VPS13B: variants seen among roughly 807,000 people sequenced by gnomAD.
VPS13B encodes the protein vacuolar protein sorting 13 homolog B.
In VPS13B, 285 loss-of-function variants were observed where a neutral mutation model predicts 426.4. The ratio of observed to expected loss-of-function variants is 0.67; its 90% CI spans 0.61 to 0.74. VPS13B has a LOEUF of 0.74. Among genes scored for constraint, VPS13B ranks in the 30% least tolerant of loss-of-function variants. The pLI is 0.00. For synonymous variants in VPS13B, 1,676 were observed against 1,676.4 expected (o/e 1.00, Z 0.01); for missense variants, 4,537 against 4,782.6 (o/e 0.95, Z 1.51).
At chr8:99,021,932 T>C (rs970825764) in intron 2 of VPS13B, among the ~76,000 whole-genome samples, 6 of 152,216 alleles carry the variant, frequency 3.9e-5, no homozygotes, top group Non-Finnish European at 7.3e-5. Flanking sequence ...ATTATAAAGC[T>C]GCCTGATTTA....
At position 99,081,859 on chromosome 8, in the gene VPS13B, A is replaced by C. The variant is rs376880208; in HGVS notation, c.292-14453A>C. ...GCCACATTTTCTTAATCCAGTCTAT[A>C]ATTGTTGGACATTTGGGTTGGTTCC... On this transcript the variant is annotated intron_variant, in intron 3 of 61. Coordinates refer to ENST00000357162, the MANE Select transcript of VPS13B (RefSeq NM_152564.5). 7.6e-4 allele frequency among the ~76,000 whole-genome samples: 115 copies of C among 151,918 alleles called. 4 individuals carry two copies. In the East Asian group the frequency reaches 0.017, roughly 23 times the overall value.
intron 3 of VPS13B, among the ~76,000 whole-genome samples, chr8:99,072,633 T>G (rs556714786): frequency 1.3e-5 from 2 of 151,880 alleles, no homozygotes; most frequent in East Asian, 3.9e-4. Context: ...TTTTATTGTT[T>G]GGGGTTTTGA....
chr8:99,767,079 T>C (rs1811263562), intron 40 of VPS13B, 109 bp downstream of exon 40: 5 of 1,068,966 alleles, frequency 4.7e-6, no homozygotes, highest in Non-Finnish European at 7.0e-6. Context: ...GTCTAGCAGC[T>C]GCATCTCTCT....
At chr8:99,849,012 A>G (rs1054738923) in intron 55 of VPS13B, 118 bp downstream of exon 55, 13 of 962,590 alleles carry the variant, frequency 1.4e-5, no homozygotes, top group Non-Finnish European at 2.2e-5. Context: ...GTTAATTATC[A>G]TGTAATCCAT....
intron 25 of VPS13B, among the ~76,000 whole-genome samples, chr8:99,493,252 A>T (rs1478247647): frequency 6.6e-6 from 1 of 152,064 alleles, no homozygotes; most frequent in Admixed American, 6.6e-5. Flanking sequence ...TTTTCTTATA[A>T]TAGCCTTGTC....
At chr8:99,305,837 G>A (rs7844283) in intron 19 of VPS13B, among the ~76,000 whole-genome samples, 110,281 of 151,896 alleles carry the variant, frequency 0.73, 40,668 homozygotes, top group Middle Eastern at 0.83. Context: ...GCTTTTACCC[G>A]TTTGACATTA....
rs181807052 is a variant in VPS13B at position 99,366,188 on chromosome 8, C to T, written c.2825-18020C>T. Among the ~76,000 whole-genome samples the T allele has an allele frequency of 2.8e-3, 425 of 152,100 alleles. 3 individuals are homozygous for T. Among genetic ancestry groups the T allele is most frequent in the African/African-American group, 9.6e-3 (400 of 41,502 alleles). On this transcript the variant is annotated intron_variant, in intron 19 of 61. Coordinates refer to ENST00000357162, the MANE Select transcript of VPS13B (RefSeq NM_152564.5). ...GACAGATCTCTCCAGTGCTGAAAGT[C>T]GGGTGTTGAAGTCTCTACCTTTTAT...
intron 2 of VPS13B, among the ~76,000 whole-genome samples, chr8:99,023,333 A>C (rs1841990400): frequency 6.6e-6 from 1 of 152,020 alleles, no homozygotes; most frequent in African/African-American, 2.4e-5. Flanking sequence ...ATGTATGAGA[A>C]TATGCAATAT....
At chr8:99,018,121 C>A (rs2132141120) in intron 2 of VPS13B, among the ~76,000 whole-genome samples, 2 of 152,176 alleles carry the variant, frequency 1.3e-5, no homozygotes, top group East Asian at 3.9e-4. Context: ...GTGGCTCTTG[C>A]CTGTAATCAG....
intron 17 of VPS13B, among the ~76,000 whole-genome samples, chr8:99,200,929 G>T (rs1814279365): frequency 6.6e-6 from 1 of 151,792 alleles, no homozygotes; most frequent in Non-Finnish European, 1.5e-5. Flanking sequence ...TTATCATTTA[G>T]AAATGGTTTA....
chr8:99,369,169 A>G (rs1050292780), intron 19 of VPS13B, among the ~76,000 whole-genome samples: 3 of 152,146 alleles, frequency 2.0e-5, no homozygotes, highest in African/African-American at 7.2e-5. Flanking sequence ...CTTTCCCACT[A>G]TCACCACAAG....
intron 3 of VPS13B, among the ~76,000 whole-genome samples, chr8:99,050,752 T>C (rs1395009113): frequency 6.6e-6 from 1 of 152,260 alleles, no homozygotes. Context: ...GGTATCTCAC[T>C]GTGGTTTTGA....
intron 19 of VPS13B, among the ~76,000 whole-genome samples, chr8:99,313,575 C>T (rs1821133971): frequency 6.6e-6 from 1 of 152,124 alleles, no homozygotes. Flanking sequence ...TCAGTCTGCC[C>T]TTACTGGAGG....
intron 19 of VPS13B, among the ~76,000 whole-genome samples, chr8:99,369,129 C>G (rs2133256593): frequency 6.6e-6 from 1 of 152,234 alleles, no homozygotes; most frequent in Non-Finnish European, 1.5e-5. Flanking sequence ...GTACCTATCC[C>G]TTATTTTATA....
At chr8:99,583,920 T>C (rs1042947169) in intron 33 of VPS13B, among the ~76,000 whole-genome samples, 1 of 152,168 alleles carries the variant, frequency 6.6e-6, no homozygotes, top group African/African-American at 2.4e-5. Flanking sequence ...GATCAGAGGC[T>C]ACATATTTCT....
At chr8:99,817,432 A>T (rs1453108848) in intron 44 of VPS13B, 108 bp from the exon 45 acceptor site, 6 of 1,426,786 alleles carry the variant, frequency 4.2e-6, no homozygotes, top group Non-Finnish European at 5.8e-6. Flanking sequence ...TAATTACTTC[A>T]TTTTCTTTCC....
intron 31 of VPS13B, among the ~76,000 whole-genome samples, chr8:99,573,809 TA>T (rs1333310294): frequency 1.3e-5 from 2 of 152,304 alleles, no homozygotes; most frequent in East Asian, 3.9e-4. Context: ...ATATGAACTT[TA>T]AAGTAGTTTT....
chr8:99,424,227 C>A (rs1178431183), intron 21 of VPS13B: 1 of 152,106 alleles, frequency 6.6e-6, no homozygotes. Context: ...ACTAGGATTA[C>A]AACCCCTGCT....
At chr8:99,213,674 A>G (rs1271447697) in intron 17 of VPS13B, among the ~76,000 whole-genome samples, 5 of 152,128 alleles carry the variant, frequency 3.3e-5, no homozygotes, top group Non-Finnish European at 5.9e-5. Flanking sequence ...ACTTTTGCAC[A>G]TTTATTCAAT....
Sources: gnomAD v4.1 joint callset for allele counts (sites outside exome capture counted in the v4.1 genomes callset) on GRCh38, gnomAD v4.1.1 for gene constraint, MANE v1.5 for transcripts, NCBI Gene and HGNC (gene_info 2026-07-23, HGNC 2026-07-21) for gene names.